JAK1: variants seen among roughly 807,000 people sequenced by gnomAD.
JAK1 encodes the protein tyrosine-protein kinase JAK1.
A neutral mutation model predicts 136.6 loss-of-function variants in JAK1; 16 were observed. That is an observed-to-expected ratio of 0.12 (90% CI 0.08 to 0.18). The LOEUF is 0.18. Among genes scored for constraint, JAK1 ranks in the 10% least tolerant of loss-of-function variants. The probability of loss-of-function intolerance (pLI) is 1.00; values close to 1 mark genes in which losing one functional copy is unlikely to be tolerated. For missense variants in JAK1, 859 were observed against 1,450.1 expected, an observed-to-expected ratio of 0.59 and a Z score of 6.62; for synonymous variants, 492 against 519.5, an observed-to-expected ratio of 0.95 and a Z score of 0.72.
intron 1 of JAK1, among the ~76,000 whole-genome samples, chr1:65,067,013 G>A (rs1430342824): frequency 1.3e-5 from 2 of 152,096 alleles, no homozygotes; most frequent in Non-Finnish European, 2.9e-5. Flanking sequence ...CGAGGGCCGC[G>A]CAAAACCGCG....
chr1:64,969,286 G>A (rs1373274917), upstream of JAK1, among the ~76,000 whole-genome samples: 1 of 151,852 alleles, frequency 6.6e-6, no homozygotes, highest in Non-Finnish European at 1.5e-5. Flanking sequence ...TATTGACATT[G>A]TGGGCTGGAA....
At chr1:64,993,967 G>T (rs532056629) in intron 2 of JAK1, among the ~76,000 whole-genome samples, 1 of 151,836 alleles carries the variant, frequency 6.6e-6, no homozygotes, top group African/African-American at 2.4e-5. Context: ...TTGAGACAAG[G>T]TCTCTCTCTG....
chr1:64,934,077 G>C (rs1411866455), intron 1 of JAK1, among the ~76,000 whole-genome samples: 2 of 152,188 alleles, frequency 1.3e-5, no homozygotes, highest in Non-Finnish European at 2.9e-5. Context: ...GGAAAGATAA[G>C]TGCTGACCAA....
intron 1 of JAK1, among the ~76,000 whole-genome samples, chr1:65,057,394 G>A (rs963268544): frequency 1.3e-5 from 2 of 152,192 alleles, no homozygotes; most frequent in Non-Finnish European, 2.9e-5. Context: ...GGTTGAAGAT[G>A]TGTGCTGTTA....
At chr1:65,031,682 C>T (rs891716437) in intron 2 of JAK1, among the ~76,000 whole-genome samples, 3 of 152,054 alleles carry the variant, frequency 2.0e-5, no homozygotes, top group Admixed American at 2.0e-4. Context: ...AAGAGAATGT[C>T]CTTTTTTTCA....
chr1:64,834,724 T>C, intron 24 of JAK1, 67 bp from the exon 25 acceptor site: 1 of 998,356 alleles, frequency 1.0e-6, no homozygotes, highest in East Asian at 2.4e-5. Context: ...ATAACAGAAA[T>C]ATCAAGAGTA....
At position 64,869,536 on chromosome 1, in the gene JAK1, C is replaced by A. The variant is rs1191864015; in HGVS notation, c.484-62G>T. 3 of 1,436,608 alleles carry A rather than the reference C, an allele frequency of 2.1e-6. No homozygotes were observed. In the African/African-American group the frequency reaches 4.2e-5, roughly 20 times the overall value. The allele number at this position is 1,436,608 out of a possible 1,614,324, so 89.0% of individuals were successfully genotyped here. ...GTTTTTGATCTTGACAAGAAGGCTA[C>A]TACACAGGGAGGGGCCGCCTAGAAA... On this transcript the variant is annotated intron_variant, in intron 5 of 24. Coordinates refer to ENST00000342505, the MANE Select transcript of JAK1 (RefSeq NM_002227.4).
chr1:64,855,506 A>C lies in JAK1; in HGVS notation c.1648+3T>G, dbSNP rs139659752. On this transcript the variant is annotated splice_donor_region_variant and intron_variant, in intron 11 of 24. Coordinates refer to ENST00000342505, the MANE Select transcript of JAK1 (RefSeq NM_002227.4). ...AGCCTGGCTCTGGCACAGGGAGACG[A>C]ACCTCGGGGCTTGGGCTGGCAGCAG... 2.5e-6 allele frequency: 4 copies of C among 1,613,670 alleles called. No individual in the cohort carries two copies. Among genetic ancestry groups the C allele is most frequent in the Non-Finnish European group, 3.4e-6 (4 of 1,179,704 alleles).
intron 1 of JAK1, among the ~76,000 whole-genome samples, chr1:64,923,921 A>G (rs1645538854): frequency 6.6e-6 from 1 of 152,184 alleles, no homozygotes; most frequent in Admixed American, 6.6e-5. Flanking sequence ...TATAAACTAT[A>G]TACAATTTCA....
At chr1:64,912,266 A>G (rs1645297651) in intron 1 of JAK1, among the ~76,000 whole-genome samples, 1 of 152,140 alleles carries the variant, frequency 6.6e-6, no homozygotes, top group African/African-American at 2.4e-5. Context: ...TGACCCACCC[A>G]AGATTTCCAA....
At chr1:64,929,358 G>C (rs927151692) in intron 1 of JAK1, among the ~76,000 whole-genome samples, 1 of 152,166 alleles carries the variant, frequency 6.6e-6, no homozygotes, top group Non-Finnish European at 1.5e-5. Context: ...TCAGGCTTCT[G>C]GATCAATTTA....
chr1:64,889,250 G>GATTCA (rs57945476), intron 1 of JAK1, among the ~76,000 whole-genome samples: 32,513 of 151,792 alleles, frequency 0.21, 4,815 homozygotes, highest in African/African-American at 0.42. Context: ...ATGCTAGAAA[G>GATTCA]ATTCACCAGG....
At chr1:64,920,809 T>C (rs2100366440) in intron 1 of JAK1, among the ~76,000 whole-genome samples, 1 of 152,250 alleles carries the variant, frequency 6.6e-6, no homozygotes, top group African/African-American at 2.4e-5. Context: ...AATAGGGTTA[T>C]AGGAGTCCAT....
intron 1 of JAK1, among the ~76,000 whole-genome samples, chr1:64,909,408 T>C (rs960224029): frequency 6.6e-6 from 1 of 152,052 alleles, no homozygotes; most frequent in Non-Finnish European, 1.5e-5. Context: ...TCAAAGGTTT[T>C]AGGATGGAGG....
chr1:64,850,822 G>C lies in JAK1; in HGVS notation c.1737C>G (p.Leu579=). The part of the protein sequence containing the change: ...PMSQLSFDRI[L]KKDLVQGEHL... ...GACTCACCTGCACCAGATCCTTCTT[G>C]AGGATCCGATCGAAACTCAGCTGGC... The change falls in exon 12 of 25, where the codon CTC becomes CTG. Residue 579 remains leucine (L), a synonymous_variant. Transcript: ENST00000342505. 1 of 1,613,478 alleles carries C rather than the reference G, an allele frequency of 6.2e-7. No individual in the cohort carries two copies. Among genetic ancestry groups the C allele is most frequent in the Non-Finnish European group, 8.5e-7 (1 of 1,179,396 alleles).
chr1:64,865,887 G>A (rs111429314), intron 7 of JAK1, among the ~76,000 whole-genome samples: 1 of 151,990 alleles, frequency 6.6e-6, no homozygotes, highest in East Asian at 1.9e-4. Context: ...AGCCTCCCAA[G>A]TAGCTAGGAC....
chr1:64,887,115 A>T lies in JAK1; in HGVS notation c.-77-774T>A, dbSNP rs141085006. Among the ~76,000 whole-genome samples the T allele has an allele frequency of 2.8e-4, 43 of 152,332 alleles. No homozygotes were observed. In the East Asian group the frequency reaches 7.5e-3, roughly 27 times the overall value. The stretch of plus-strand genomic sequence containing the variant: ...TTGGAGACAGCACAAATGGAAACAC[A>T]AAAGCAACCTAAAATCAATAGTGTG... On this transcript the variant is annotated intron_variant, in intron 1 of 24. Coordinates refer to ENST00000342505, the MANE Select transcript of JAK1 (RefSeq NM_002227.4).
intron 24 of JAK1, 55 bp downstream of exon 24, chr1:64,835,341 C>T: frequency 3.2e-6 from 3 of 931,454 alleles, no homozygotes; most frequent in Non-Finnish European, 5.0e-6. Flanking sequence ...ACAACTCAAG[C>T]TGCGAAAACA....
chr1:64,902,070 A>C (rs1042892273), intron 1 of JAK1, among the ~76,000 whole-genome samples: 3 of 152,234 alleles, frequency 2.0e-5, no homozygotes, highest in African/African-American at 7.2e-5. Context: ...ATAAGAAGCC[A>C]AAATAATATT....
Sources: gnomAD v4.1 joint callset for allele counts (sites outside exome capture counted in the v4.1 genomes callset) on GRCh38, gnomAD v4.1.1 for gene constraint, MANE v1.5 for transcripts, NCBI Gene and HGNC (gene_info 2026-07-23, HGNC 2026-07-21) for gene names.